The following SYCN variants were observed in gnomAD, a reference collection of about 807,000 sequenced individuals.
The protein encoded by SYCN is insulin synthesis associated 1.
A neutral mutation model predicts 12.6 loss-of-function variants in SYCN; 16 were observed. The observed-to-expected ratio is 1.27, with a 90% confidence interval of 0.86 to 1.92. SYCN has a LOEUF of 1.92. SYCN is among the 30% of genes most tolerant of loss of function. SYCN has a pLI of 0.00. For missense variants in SYCN, 226 were observed against 181.8 expected (o/e 1.24, Z -1.40); for synonymous variants, 97 against 88.4 (o/e 1.10, Z -0.55).
Position 39,204,250 on chromosome 19 carries a change from G to A in SYCN, c.5C>T (p.Ser2Phe). M[S>F]PLRPLLLALA... ...GGCCAGCAGCAGCGGGCGCAGCGGG[G>A]ACATGGTGGCAGTGCCCTGCCGCAG... The change falls in exon 1 of 2, where the codon TCC (serine) becomes TTC (phenylalanine). Residue 2 changes from serine (S) to phenylalanine (F), a missense_variant. Transcript: ENST00000318438. The A allele has an allele frequency of 6.4e-7, 1 of 1,560,052 alleles. No homozygotes were observed. The highest frequency in any genetic ancestry group is 8.6e-7 in the Non-Finnish European group (1 of 1,159,536).
At chr19:39,203,137 G>A in intron 1 of SYCN, 141 bp from the exon 2 acceptor site, 1 of 853,638 alleles carries the variant, frequency 1.2e-6, no homozygotes, top group Admixed American at 2.3e-5. Context: ...TAGCCTGGGA[G>A]TTTGGAGCTG....
rs758136434 is a variant in SYCN, at chr19:39,202,965, C to T, written c.*22G>A. 8 of 1,580,112 alleles carry T rather than the reference C, an allele frequency of 5.1e-6. No homozygotes were observed. In the African/African-American group the frequency reaches 1.1e-4, roughly 21 times the overall value. ...GGGGCTTGGCACTCTGTGGAAGCTG[C>T]AGATGAGAGACCAGCAATGCATCAG... On this transcript the variant is annotated 3_prime_UTR_variant, in exon 2 of 2. Transcript: ENST00000318438.
At position 39,204,087 on chromosome 19, in the gene SYCN, G is replaced by C. The variant is rs1039689625; in HGVS notation, c.168C>G (p.Ala56=). Residue 56 remains alanine, a synonymous_variant, in exon 1 of 2, where the codon GCC becomes GCG. Transcript: ENST00000318438. ...DPYYENCCGG[A]ELSLESGADL... ...CTGCGCCCGACTCCAGCGACAGCTC[G>C]GCGCCCCCGCAGCAGTTCTCATAGT... The C allele has an allele frequency of 6.2e-7, 1 of 1,612,968 alleles. No homozygotes were observed. The highest frequency in any genetic ancestry group is 8.5e-7 in the Non-Finnish European group (1 of 1,179,560).
intron 1 of SYCN, 105 bp from the exon 2 acceptor site, chr19:39,203,101 G>A (rs1231862399): frequency 2.4e-6 from 3 of 1,245,878 alleles, no homozygotes; most frequent in East Asian, 2.5e-5. Context: ...TGGGTCTGAG[G>A]CTCCAAGTTC....
chr19:39,203,337 G>A (rs2074796132), intron 1 of SYCN, among the ~76,000 whole-genome samples: 1 of 151,974 alleles, frequency 6.6e-6, no homozygotes, highest in African/African-American at 2.4e-5. Context: ...GGAGTGGAGA[G>A]CATGAAGGCT....
At chr19:39,203,746 G>T in intron 1 of SYCN, 114 bp downstream of exon 1, 1 of 1,265,016 alleles carries the variant, frequency 7.9e-7, no homozygotes, top group South Asian at 1.6e-5. Context: ...CCCTGTTACA[G>T]TCGGGAGCTC....
Position 39,202,857 on chromosome 19 carries a change from G to C in SYCN, c.*130C>G. On this transcript the variant is annotated 3_prime_UTR_variant, in exon 2 of 2. Coordinates refer to ENST00000318438, the MANE Select transcript of SYCN (RefSeq NM_001080468.4). ...ACAACTGCACAAAGGCTGTATTGCAGGGGAGGTGGGAGGGGGCAGGCAGAA... is the reference window on the plus strand; with the variant it reads ...ACAACTGCACAAAGGCTGTATTGCACGGGAGGTGGGAGGGGGCAGGCAGAA... The C allele has an allele frequency of 1.1e-6, 1 of 906,582 alleles. No individual in the cohort carries two copies. The highest frequency in any genetic ancestry group is 1.7e-6 in the Non-Finnish European group (1 of 582,974). 56.2% of individuals were successfully genotyped at this position (906,582 alleles called of 1,614,324 possible).
Position 39,202,987 on chromosome 19 carries a change from T to C in SYCN, c.405A>G (p.Ter135TrpextTer?). The change falls in exon 2 of 2, where the codon TGA becomes TGG. Residue 135 changes from the stop codon to tryptophan, a stop_lost. Transcript: ENST00000318438. ...CTGCAGATGAGAGACCAGCAATGCA[T>C]CAGCTGCACCTGAAATGTAATCAAG... ...AISALYCRCS[*>W] 6.3e-7 allele frequency: 1 copy of C among 1,579,762 alleles called. No individual in the cohort carries two copies. Among genetic ancestry groups the C allele is most frequent in the Non-Finnish European group, 8.6e-7 (1 of 1,163,512 alleles).
chr19:39,203,984 A>G lies in SYCN; in HGVS notation c.271T>C (p.Trp91Arg), dbSNP rs374871795. 1.9e-6 allele frequency: 3 copies of G among 1,609,872 alleles called. No homozygotes were observed. Among genetic ancestry groups the G allele is most frequent in the Non-Finnish European group, 2.5e-6 (3 of 1,178,346 alleles). Residue 91 changes from tryptophan (W) to arginine (R), a missense_variant, in exon 1 of 2, where the codon TGG becomes CGG. Coordinates refer to ENST00000318438, the MANE Select transcript of SYCN (RefSeq NM_001080468.4). ...TTGCCCGCCTTGCCTTGCCGGGACC[A>G]CACGGTGAGCTCGCAGCGCGGGGCC... ...VVAPRCELTV[W>R]SRQGKAGKTH...
chr19:39,203,005 T>C lies in SYCN; in HGVS notation c.396-9A>G. ...CAATGCATCAGCTGCACCTGAAATGTAATCAAGAATTCCTTCCAGGGGCTC... is the reference window on the plus strand; with the variant it reads ...CAATGCATCAGCTGCACCTGAAATGCAATCAAGAATTCCTTCCAGGGGCTC... On this transcript the variant is annotated splice_polypyrimidine_tract_variant and intron_variant, in intron 1 of 1. Transcript: ENST00000318438. 3 of 1,571,938 alleles carry C rather than the reference T, an allele frequency of 1.9e-6. No individual in the cohort carries two copies. Among genetic ancestry groups the C allele is most frequent in the Non-Finnish European group, 2.6e-6 (3 of 1,159,056 alleles).
chr19:39,204,146 T>G lies in SYCN; in HGVS notation c.109A>C (p.Thr37Pro). Residue 37 changes from threonine (T) to proline (P), a missense_variant, in exon 1 of 2, where the codon ACT (threonine) becomes CCT (proline). Coordinates refer to ENST00000318438, the MANE Select transcript of SYCN (RefSeq NM_001080468.4). ...CTCTTGTCATAGAGCTTGGCGCAAGTGCGCGTCCCGTCCGAGTGCTTGAGG... is the reference window on the plus strand; with the variant it reads ...CTCTTGTCATAGAGCTTGGCGCAAGGGCGCGTCCCGTCCGAGTGCTTGAGG... ...ADLKHSDGTR[T>P]CAKLYDKSDP... 2 of 1,612,724 alleles carry G rather than the reference T, an allele frequency of 1.2e-6. No homozygotes were observed. Among genetic ancestry groups the G allele is most frequent in the Non-Finnish European group, 8.5e-7 (1 of 1,179,696 alleles).
chr19:39,203,030 C>T, intron 1 of SYCN, 34 bp from the exon 2 acceptor site: 2 of 1,559,504 alleles, frequency 1.3e-6, no homozygotes, highest in Non-Finnish European at 1.7e-6. Flanking sequence ...TCCAGGGGCT[C>T]TCAGAGACCC....
chr19:39,203,772 C>A, intron 1 of SYCN, 88 bp downstream of exon 1: 1 of 1,441,046 alleles, frequency 6.9e-7, no homozygotes, highest in South Asian at 1.4e-5. Flanking sequence ...TGTGGAGCAG[C>A]CTCGGGGCTT....
intron 1 of SYCN, 61 bp downstream of exon 1, chr19:39,203,799 G>A: frequency 6.6e-7 from 1 of 1,515,148 alleles, no homozygotes; most frequent in Non-Finnish European, 8.9e-7. Context: ...TGGGTGTGGG[G>A]GCTTATGCGG....
In SYCN at chr19:39,203,841, G is replaced by C; in HGVS notation, c.395+19C>G. The stretch of plus-strand genomic sequence containing the variant: ...GGCCTGGGCCTGGGGTGGGCTCGGA[G>C]CTTTGGGCGGCCGGGCACCTGCAGT... On this transcript the variant is annotated intron_variant, in intron 1 of 1. Coordinates refer to ENST00000318438, the MANE Select transcript of SYCN (RefSeq NM_001080468.4). 6.4e-7 allele frequency: 1 copy of C among 1,566,072 alleles called. No homozygotes were observed. The highest frequency in any genetic ancestry group is 8.7e-7 in the Non-Finnish European group (1 of 1,152,402).
Position 39,204,061 on chromosome 19 carries a change from T to G in SYCN, c.194A>C (p.Asp65Ala), listed in dbSNP as rs1317035589. ...GAELSLESGADLPYLPSNWAN... is the reference protein window; with the variant it reads ...GAELSLESGAALPYLPSNWAN... Reference sequence around the variant, plus strand: ...CCAGTTGGAGGGCAGGTAGGGCAGGTCTGCGCCCGACTCCAGCGACAGCTC... The same window carrying G: ...CCAGTTGGAGGGCAGGTAGGGCAGGGCTGCGCCCGACTCCAGCGACAGCTC... The change falls in exon 1 of 2, where the codon GAC becomes GCC. Residue 65 changes from aspartate (D) to alanine (A), a missense_variant. Asp to Ala is a moderately radical substitution (Grantham distance 126). Transcript: ENST00000318438. The G allele has an allele frequency of 3.7e-6, 6 of 1,612,822 alleles. No homozygotes were observed. In the South Asian group the frequency reaches 6.6e-5, roughly 18 times the overall value.
In SYCN at chr19:39,203,645, G is replaced by A. The variant is rs1258790576; in HGVS notation, c.395+215C>T. ...CTGGGCTGCAGGTGGAGTGGGGACC[G>A]GGTGCTGGGGGTGAGGAGAAGGAGG... On this transcript the variant is annotated intron_variant, in intron 1 of 1. Coordinates refer to ENST00000318438, the MANE Select transcript of SYCN (RefSeq NM_001080468.4). 7.9e-5 allele frequency among the ~76,000 whole-genome samples: 12 copies of A among 151,882 alleles called. No individual in the cohort carries two copies. In the East Asian group the frequency reaches 1.9e-3, roughly 25 times the overall value.
Position 39,204,224 on chromosome 19 carries a change from G to A in SYCN, c.31C>T (p.Leu11=), listed in dbSNP as rs1427162796. 7 of 1,596,286 alleles carry A rather than the reference G, an allele frequency of 4.4e-6. No individual in the cohort carries two copies. Among genetic ancestry groups the A allele is most frequent in the African/African-American group, 1.3e-5 (1 of 74,480 alleles). Residue 11 remains leucine (L), a synonymous_variant, in exon 1 of 2, where the codon CTG becomes TTG. Transcript: ENST00000318438. ...GCGCAAGGCACGGAGGCAAGGGCCA[G>A]GGCCAGCAGCAGCGGGCGCAGCGGG... MSPLRPLLLA[L]ALASVPCAQG...
In SYCN at chr19:39,204,201, G is replaced by T. The variant is rs771917628; in HGVS notation, c.54C>A (p.Cys18Ter). 87 of 1,608,610 alleles carry T rather than the reference G, an allele frequency of 5.4e-5. No individual in the cohort carries two copies. The highest frequency in any genetic ancestry group is 7.2e-5 in the Non-Finnish European group (85 of 1,178,892). Reference sequence around the variant, plus strand: ...CGGAGGCGGGGCAGGCGCCCTGGGCGCAAGGCACGGAGGCAAGGGCCAGGG... The same window carrying T: ...CGGAGGCGGGGCAGGCGCCCTGGGCTCAAGGCACGGAGGCAAGGGCCAGGG... ...LLALALASVP[C>*]AQGACPASAD... Residue 18 changes from cysteine (C) to a stop codon, truncating the protein, a stop_gained, in exon 1 of 2, where the codon TGC becomes TGA. Transcript: ENST00000318438. LOFTEE classifies it high-confidence loss of function.
Sources: gnomAD v4.1 joint callset for allele counts (sites outside exome capture counted in the v4.1 genomes callset) on GRCh38, gnomAD v4.1.1 for gene constraint, MANE v1.5 for transcripts, NCBI Gene and HGNC (gene_info 2026-07-23, HGNC 2026-07-21) for gene names.